Variants in MYT1 observed in about 807,000 individuals in gnomAD.
The protein encoded by MYT1 is myelin transcription factor I.
A neutral mutation model predicts 123.0 loss-of-function variants in MYT1; 23 were observed. The observed-to-expected ratio is 0.19, with a 90% CI of 0.13 to 0.26. The LOEUF is 0.26. Ranked by LOEUF, MYT1 falls within the 10% of genes least tolerant of loss-of-function variation. The pLI, the probability that MYT1 is intolerant of heterozygous loss-of-function variation, is 1.00. For synonymous variants in MYT1, 518 were observed against 575.3 expected (o/e 0.90, Z 1.43); for missense variants, 1,125 against 1,472.5 (o/e 0.76, Z 3.86).
At chr20:64,170,898 G>GAGAGAGAC (rs1555952855) in intron 1 of MYT1, among the ~76,000 whole-genome samples, 88 of 98,212 alleles carry the variant, frequency 9.0e-4, no homozygotes, top group Non-Finnish European at 1.0e-3. Flanking sequence ...GAGAGAGAGA[G>GAGAGAGAC]AGAGAGAGAG....
Position 64,205,098 on chromosome 20 carries a change from G to C in MYT1, c.149+1G>C, listed in dbSNP as rs750033157. 3.7e-6 allele frequency: 6 copies of C among 1,614,038 alleles called. No homozygotes were observed. Among genetic ancestry groups the C allele is most frequent in the Non-Finnish European group, 8.5e-7 (1 of 1,180,016 alleles). On this transcript the variant is annotated splice_donor_variant, in intron 5 of 22. Coordinates refer to ENST00000328439, the MANE Select transcript of MYT1 (RefSeq NM_004535.3). LOFTEE classifies it high-confidence loss of function. ...GGGGCAAGTACTCCAGGCACCGAAGGTAAGAGGACCCTTGGATCTCACGGA... is the reference window on the plus strand; with the variant it reads ...GGGGCAAGTACTCCAGGCACCGAAGCTAAGAGGACCCTTGGATCTCACGGA...
At chr20:64,206,113 G>A (rs569893244) in intron 6 of MYT1, among the ~76,000 whole-genome samples, 25 of 152,128 alleles carry the variant, frequency 1.6e-4, no homozygotes, top group Non-Finnish European at 3.4e-4. Flanking sequence ...ATATGAGAGA[G>A]ACAGACAAGG....
chr20:64,227,298 G>C lies in MYT1; in HGVS notation c.2529-117G>C, dbSNP rs1322496970. ...GATGCTCCTCTGCGGACAAGGGAAT[G>C]TGGGTGGGCGCACTCAAGGGCTGAG... On this transcript the variant is annotated intron_variant, in intron 16 of 22. Coordinates refer to ENST00000328439, the MANE Select transcript of MYT1 (RefSeq NM_004535.3). The C allele has an allele frequency of 1.1e-5, 9 of 834,358 alleles. No individual in the cohort carries two copies. The East Asian group carries it at 2.1e-4, about 20-fold the overall frequency. 51.7% of individuals were successfully genotyped at this position (834,358 alleles called of 1,614,324 possible).
At chr20:64,217,308 TCTCTTCTGTGTTG>T in intron 11 of MYT1, 27 bp downstream of exon 11, 1 of 1,611,874 alleles carries the variant, frequency 6.2e-7, no homozygotes, top group Non-Finnish European at 8.5e-7. Context: ...TGTTCTTGTT[TCTCTTCTGTGTTG>T]CTCCTGGGAG....
chr20:64,215,512 T>C (rs6090074), intron 10 of MYT1, among the ~76,000 whole-genome samples: 12,067 of 152,184 alleles, frequency 0.079, 626 homozygotes, highest in Middle Eastern at 0.19. Flanking sequence ...TTGTGGACAA[T>C]AAGTGTACAG....
chr20:64,211,398 G>T, intron 8 of MYT1, 58 bp downstream of exon 8: 1 of 1,553,644 alleles, frequency 6.4e-7, no homozygotes, highest in Non-Finnish European at 8.8e-7. Flanking sequence ...CCTCTGTGGT[G>T]TTTGGGTGGT....
Position 64,237,784 on chromosome 20 carries a change from G to A in MYT1, c.3093+394G>A, listed in dbSNP as rs528197692. Among the ~76,000 whole-genome samples the A allele has an allele frequency of 2.0e-4, 31 of 152,306 alleles. No homozygotes were observed. The Middle Eastern group carries it at 0.01, about 50-fold the overall frequency. ...TTGTGAGTACCAGTGGTCCATGAGC[G>A]TGGTGCGGTAGAGCCAGGTCTCTGG... On this transcript the variant is annotated intron_variant, in intron 21 of 22. Coordinates refer to ENST00000328439, the MANE Select transcript of MYT1 (RefSeq NM_004535.3).
At chr20:64,228,010 A>T in intron 18 of MYT1, 39 bp downstream of exon 18, 1 of 1,588,976 alleles carries the variant, frequency 6.3e-7, no homozygotes, top group Non-Finnish European at 8.6e-7. Context: ...TGCATTGCGG[A>T]ATTGAGATTT....
At chr20:64,165,457 C>T (rs1300700732) in intron 1 of MYT1, among the ~76,000 whole-genome samples, 2 of 152,134 alleles carry the variant, frequency 1.3e-5, no homozygotes, top group African/African-American at 4.8e-5. Context: ...AGAAGTTGAA[C>T]ACCCTAATGC....
intron 1 of MYT1, among the ~76,000 whole-genome samples, chr20:64,173,489 CCTTTAG>C (rs1982353226): frequency 2.9e-5 from 4 of 136,918 alleles, no homozygotes; most frequent in Admixed American, 7.3e-5. Flanking sequence ...AGCATCCTTC[CCTTTAG>C]TTGTGTCCAT....
chr20:64,227,323 G>A, intron 16 of MYT1, 92 bp from the exon 17 acceptor site: 1 of 1,228,572 alleles, frequency 8.1e-7, no homozygotes, highest in Non-Finnish European at 1.2e-6. Flanking sequence ...CAAGGGCTGA[G>A]CCCAGAAGGC....
chr20:64,194,742 C>T (rs1024673121), intron 2 of MYT1, among the ~76,000 whole-genome samples: 6 of 152,118 alleles, frequency 3.9e-5, no homozygotes, highest in East Asian at 1.9e-4. Context: ...AGTGGGGAGA[C>T]GCAGCCTCTG....
chr20:64,230,865 C>T (rs763781119), intron 18 of MYT1, among the ~76,000 whole-genome samples: 3 of 152,190 alleles, frequency 2.0e-5, no homozygotes, highest in Non-Finnish European at 4.4e-5. Context: ...AGAGAGAAAG[C>T]AGGGTCCTGG....
chr20:64,222,586 G>A (rs1473848238), intron 14 of MYT1, among the ~76,000 whole-genome samples: 1 of 152,220 alleles, frequency 6.6e-6, no homozygotes, highest in Non-Finnish European at 1.5e-5. Flanking sequence ...TGACCTTCTG[G>A]TCAGCCTTCA....
At chr20:64,229,469 C>T (rs1306724274) in intron 18 of MYT1, among the ~76,000 whole-genome samples, 8 of 152,242 alleles carry the variant, frequency 5.3e-5, no homozygotes, top group African/African-American at 1.4e-4. Context: ...GTTCTGCAGC[C>T]GAGTGGAGAC....
Position 64,168,058 on chromosome 20 carries a change from G to GC in MYT1, c.-99+3321dup, listed in dbSNP as rs1451011752. ...GCCCAGCCCGGAGTGTCTGCTGGAG[G>GC]CCTGGGGGGTGGAATGTGCTTTCAC... On this transcript the variant is annotated intron_variant, in intron 1 of 22. Transcript: ENST00000328439. This position sits in a 1 kb window ranked among gnomAD's most constrained non-coding sequence, Gnocchi z 6.1. 6.6e-6 allele frequency among the ~76,000 whole-genome samples: 1 copy of GC among 152,222 alleles called. No homozygotes were observed. Among genetic ancestry groups the GC allele is most frequent in the East Asian group, 1.9e-4 (1 of 5,198 alleles).
chr20:64,226,038 A>G (rs930716370), intron 16 of MYT1, among the ~76,000 whole-genome samples: 1 of 152,164 alleles, frequency 6.6e-6, no homozygotes, highest in Non-Finnish European at 1.5e-5. Context: ...CTGAGTGGCC[A>G]CTTGCCCACC....
chr20:64,211,782 T>G (rs903930909), intron 8 of MYT1, among the ~76,000 whole-genome samples: 1 of 152,206 alleles, frequency 6.6e-6, no homozygotes, highest in Non-Finnish European at 1.5e-5. Flanking sequence ...GTTTTAAAGC[T>G]GAGTCTGGTT....
chr20:64,199,409 T>C (rs1175084485), intron 3 of MYT1, among the ~76,000 whole-genome samples: 1 of 152,158 alleles, frequency 6.6e-6, no homozygotes, highest in Non-Finnish European at 1.5e-5. Context: ...TGCCCAAGCA[T>C]CTCAGGTGTG....
Sources: gnomAD v4.1 joint callset for allele counts (sites outside exome capture counted in the v4.1 genomes callset) on GRCh38, gnomAD v4.1.1 for gene constraint, Gnocchi (gnomAD v3.1) non-coding constraint, MANE v1.5 for transcripts, NCBI Gene and HGNC (gene_info 2026-07-23, HGNC 2026-07-21) for gene names.